PSMD3: variants seen among roughly 807,000 people sequenced by gnomAD.
PSMD3 encodes 26S proteasome non-ATPase regulatory subunit 3.
In PSMD3, 5 loss-of-function variants were observed where a neutral mutation model predicts 62.8. The ratio of observed to expected loss-of-function variants is 0.08; its 90% confidence interval spans 0.04 to 0.17. PSMD3 has a LOEUF of 0.17. Among genes scored for constraint, PSMD3 ranks in the 10% least tolerant of loss-of-function variants. PSMD3 has a pLI of 1.00. For missense variants in PSMD3, 524 were observed against 713.6 expected (o/e 0.73, Z 3.03); for synonymous variants, 265 against 283.9 (o/e 0.93, Z 0.67).
chr17:39,988,314 G>A (rs757290638), intron 3 of PSMD3, among the ~76,000 whole-genome samples: 3 of 152,174 alleles, frequency 2.0e-5, no homozygotes, highest in Non-Finnish European at 4.4e-5. Flanking sequence ...GACATTTCAT[G>A]TAAATGGAAT....
Position 39,980,892 on chromosome 17 carries a change from T to C in PSMD3, c.-79T>C, listed in dbSNP as rs1980362493. On this transcript the variant is annotated 5_prime_UTR_variant, in exon 1 of 12. Coordinates refer to ENST00000264639, the MANE Select transcript of PSMD3 (RefSeq NM_002809.4). ...TCTCGCGCTCGTGTGCAGGCCCGGC[T>C]CGGCTCCTGGTCCCCGGTGCGAGGG... 2 of 1,299,224 alleles carry C rather than the reference T, an allele frequency of 1.5e-6. No individual in the cohort carries two copies. The highest frequency in any genetic ancestry group is 1.5e-5 in the African/African-American group (1 of 64,626). 80.5% of individuals were successfully genotyped at this position (1,299,224 alleles called of 1,614,324 possible).
Position 39,990,103 on chromosome 17 carries a change from A to G in PSMD3, c.887A>G (p.Lys296Arg), listed in dbSNP as rs1980619593. ...ARYLYYTGRI[K>R]AIQLEYSEAR... Reference sequence around the variant, plus strand: ...TCTCCTCCACTCCCAGGGCGAATCAAAGCCATCCAGCTGGAGTACTCAGAG... The same window carrying G: ...TCTCCTCCACTCCCAGGGCGAATCAGAGCCATCCAGCTGGAGTACTCAGAG... The change falls in exon 6 of 12, where the codon AAA becomes AGA. Residue 296 changes from lysine (K) to arginine (R), a missense_variant. This residue lies in a region of PSMD3 where 396 missense variants were observed against 475.8 expected (regional missense o/e 0.83). Coordinates refer to ENST00000264639, the MANE Select transcript of PSMD3 (RefSeq NM_002809.4). 1 of 1,613,946 alleles carries G rather than the reference A, an allele frequency of 6.2e-7. No homozygotes were observed. The highest frequency in any genetic ancestry group is 2.2e-5 in the East Asian group (1 of 44,898).
chr17:39,982,727 A>G (rs537099658), intron 1 of PSMD3, among the ~76,000 whole-genome samples: 1 of 152,322 alleles, frequency 6.6e-6, no homozygotes, highest in South Asian at 2.1e-4. Flanking sequence ...TGGCCCAGAT[A>G]CCCTGTGCTA....
chr17:39,988,959 C>A, intron 4 of PSMD3, 140 bp downstream of exon 4: 2 of 1,165,738 alleles, frequency 1.7e-6, no homozygotes, highest in Non-Finnish European at 2.5e-6. Context: ...CCATGCCCTG[C>A]GCCACGTGAG....
chr17:39,985,750 A>G (rs1354769306), intron 2 of PSMD3, among the ~76,000 whole-genome samples: 1 of 152,236 alleles, frequency 6.6e-6, no homozygotes. Flanking sequence ...ACGAAACGTG[A>G]TTATTTTGGG....
At position 39,995,227 on chromosome 17, in the gene PSMD3, G is replaced by C. The variant is rs772814654; in HGVS notation, c.1148G>C (p.Gly383Ala). 6.2e-7 allele frequency: 1 copy of C among 1,613,962 alleles called. No homozygotes were observed. Among genetic ancestry groups the C allele is most frequent in the South Asian group, 1.1e-5 (1 of 91,074 alleles). ...AKFNQVLDQF[G>A]EKFQADGTYT... is the part of the protein sequence containing the mutation. The stretch of plus-strand genomic sequence containing the variant: ...TTCAACCAGGTCCTGGATCAGTTTG[G>C]GGAGAAGTTTCAAGCAGATGGGACC... The change falls in exon 8 of 12, where the codon GGG becomes GCG. Residue 383 changes from glycine (G) to alanine (A), a missense_variant. By Grantham distance (60) the Gly-to-Ala change is moderately conservative (BLOSUM62 0). This residue lies in a region of PSMD3 where 32 missense variants were observed against 85.4 expected (regional missense o/e 0.37). Coordinates refer to ENST00000264639, the MANE Select transcript of PSMD3 (RefSeq NM_002809.4). This position sits in a 1 kb window ranked among gnomAD's most constrained non-coding sequence, Gnocchi z 4.1.
chr17:39,990,116 G>A lies in PSMD3; in HGVS notation c.900G>A (p.Leu300=), dbSNP rs1023149806. 6.2e-7 allele frequency: 1 copy of A among 1,614,076 alleles called. No homozygotes were observed. The highest frequency in any genetic ancestry group is 1.3e-5 in the African/African-American group (1 of 75,024). The change falls in exon 6 of 12, where the codon CTG becomes CTA. Residue 300 remains leucine (L), a synonymous_variant. Transcript: ENST00000264639. The part of the protein sequence containing the change: ...YYTGRIKAIQ[L]EYSEARRTMT... ...CAGGGCGAATCAAAGCCATCCAGCT[G>A]GAGTACTCAGAGGCCCGGAGAACGA... is the stretch of plus-strand genomic sequence containing the variant.
At chr17:39,994,841 G>GTGATCC (rs1434728160) in intron 6 of PSMD3, 113 bp from the exon 7 acceptor site, 3 of 884,828 alleles carry the variant, frequency 3.4e-6, no homozygotes, top group East Asian at 5.2e-5. Context: ...GGCCTAAACA[G>GTGATCC]TGATCCCTTT....
intron 4 of PSMD3, among the ~76,000 whole-genome samples, chr17:39,989,338 G>A (rs141362820): frequency 2.6e-5 from 4 of 152,050 alleles, no homozygotes; most frequent in South Asian, 2.1e-4. Context: ...TCTTCTCTCC[G>A]CCTCCTTCAA....
chr17:39,982,864 A>C (rs1980421391), intron 1 of PSMD3, among the ~76,000 whole-genome samples: 1 of 152,226 alleles, frequency 6.6e-6, no homozygotes, highest in African/African-American at 2.4e-5. Flanking sequence ...TTTGTGCCCA[A>C]CTTAAAAAAT....
At chr17:39,990,818 C>T (rs1416353655) in intron 6 of PSMD3, among the ~76,000 whole-genome samples, 1 of 152,096 alleles carries the variant, frequency 6.6e-6, no homozygotes, top group Non-Finnish European at 1.5e-5. Context: ...TTGTCTGTGG[C>T]CAAGGAACCC....
Position 39,996,073 on chromosome 17 carries a change from C to T in PSMD3, c.1321-110C>T, listed in dbSNP as rs1269816835. ...GGTAAAGGTTGCAGTGAGCTGAGAT[C>T]GCACCACCGCACTCTCCTGCCTGGG... On this transcript the variant is annotated intron_variant, in intron 9 of 11. Coordinates refer to ENST00000264639, the MANE Select transcript of PSMD3 (RefSeq NM_002809.4). This position sits in a 1 kb window ranked among gnomAD's most constrained non-coding sequence, Gnocchi z 5.1. 3.3e-5 allele frequency: 44 copies of T among 1,343,520 alleles called. No individual in the cohort carries two copies. Among genetic ancestry groups the T allele is most frequent in the Non-Finnish European group, 4.0e-5 (38 of 954,134 alleles). The allele number at this position is 1,343,520 out of a possible 1,614,324, so 83.2% of individuals were successfully genotyped here.
At chr17:39,990,483 TG>T (rs1484205698) in intron 6 of PSMD3, among the ~76,000 whole-genome samples, 1 of 152,136 alleles carries the variant, frequency 6.6e-6, no homozygotes, top group East Asian at 1.9e-4. Flanking sequence ...TTTTTGTGTG[TG>T]TGGAGACAGG....
At chr17:39,986,526 T>C in intron 2 of PSMD3, 49 bp from the exon 3 acceptor site, 2 of 1,601,054 alleles carry the variant, frequency 1.2e-6, no homozygotes, top group East Asian at 2.2e-5. Context: ...AAATTCTTGG[T>C]TACTTGATCA....
chr17:39,989,585 A>T (rs1980605810), intron 4 of PSMD3, among the ~76,000 whole-genome samples, 154 bp from the exon 5 acceptor site: 1 of 152,200 alleles, frequency 6.6e-6, no homozygotes, highest in African/African-American at 2.4e-5. Context: ...ATAGTGCTGT[A>T]CACCTTAGGC....
rs1261027074 is a variant in PSMD3 at position 39,995,946 on chromosome 17, C to T, written c.1321-237C>T. The T allele has an allele frequency of 4.5e-5, 24 of 531,576 alleles. No individual in the cohort carries two copies. In the East Asian group the frequency reaches 8.5e-4, roughly 19 times the overall value. 32.9% of individuals were successfully genotyped at this position (531,576 alleles called of 1,614,324 possible). ...CAAGCCTGGCCAACTTGGCGAAACCCCATCTCTACTGAAAATACAAAAATT... is the reference window on the plus strand; with the variant it reads ...CAAGCCTGGCCAACTTGGCGAAACCTCATCTCTACTGAAAATACAAAAATT... On this transcript the variant is annotated intron_variant, in intron 9 of 11. Coordinates refer to ENST00000264639, the MANE Select transcript of PSMD3 (RefSeq NM_002809.4). The surrounding 1 kb of genome is among the most constrained non-coding windows in gnomAD (Gnocchi z 4.1).
intron 3 of PSMD3, among the ~76,000 whole-genome samples, chr17:39,987,235 T>C (rs1175108878): frequency 6.6e-6 from 1 of 152,162 alleles, no homozygotes; most frequent in East Asian, 1.9e-4. Context: ...CTCCCCCAGC[T>C]AGGGCCAGCT....
intron 1 of PSMD3, among the ~76,000 whole-genome samples, chr17:39,984,080 GTCCCAGCT>G: frequency 6.6e-6 from 1 of 151,834 alleles, no homozygotes; most frequent in Admixed American, 6.6e-5. Flanking sequence ...GGTGCCTGTA[GTCCCAGCT>G]ACTCGGGAGG....
chr17:39,984,564 C>G (rs1980476569), intron 2 of PSMD3, 80 bp downstream of exon 2: 3 of 1,346,742 alleles, frequency 2.2e-6, no homozygotes, highest in Non-Finnish European at 2.0e-6. Context: ...ATCCTAAAGT[C>G]CCATCTTATT....
Sources: gnomAD v4.1 joint callset for allele counts (sites outside exome capture counted in the v4.1 genomes callset) on GRCh38, gnomAD v4.1.1 for gene constraint, gnomAD v4.1.1 regional missense constraint, Gnocchi (gnomAD v3.1) non-coding constraint, MANE v1.5 for transcripts, NCBI Gene and HGNC (gene_info 2026-07-23, HGNC 2026-07-21) for gene names.